GJB1: variants seen among roughly 807,000 people sequenced by gnomAD.
GJB1 encodes the protein gap junction protein beta 1, also known as gap junction beta-1 protein.
Under a neutral mutation model 12.0 loss-of-function variants are expected in GJB1, and 1 was observed. The observed-to-expected ratio is 0.08, with a 90% CI of 0.03 to 0.40. The LOEUF is 0.40. GJB1 is among the 10% of genes least tolerant of loss of function. The probability of loss-of-function intolerance (pLI) is 0.98; values close to 1 mark genes in which losing one functional copy is unlikely to be tolerated. For synonymous variants in GJB1, 114 were observed against 102.8 expected (o/e 1.11, Z -0.66); for missense variants, 140 against 250.3 (o/e 0.56, Z 2.97).
At chrX:71,223,609 G>T in intron 1 of GJB1, 83 bp from the exon 2 acceptor site, 1 of 882,268 alleles carries the variant, frequency 1.1e-6, no homozygotes, top group Middle Eastern at 2.9e-4. Flanking sequence ...GAAGAGTTGA[G>T]GGGGGGTGCG....
upstream of GJB1, among the ~76,000 whole-genome samples, chrX:71,220,530 G>A (rs2092535345): frequency 9.3e-6 from 1 of 107,262 alleles, no homozygotes; most frequent in South Asian, 4.1e-4. Flanking sequence ...TTTCCGAGAC[G>A]GAGTCTCACT....
At chrX:71,221,190 A>C (rs1282849676), upstream of GJB1, among the ~76,000 whole-genome samples, 1 of 111,686 alleles carries the variant, frequency 9.0e-6, no homozygotes, top group Admixed American at 9.5e-5. Flanking sequence ...CCAGCCCCTG[A>C]AGCATTTCTT....
At chrX:71,219,568 G>A (rs1335276069), upstream of GJB1, among the ~76,000 whole-genome samples, 6 of 105,931 alleles carry the variant, frequency 5.7e-5, no homozygotes, top group East Asian at 3.0e-4. Flanking sequence ...TCAGGAGATC[G>A]AGACCATCCT....
At chrX:71,217,523 G>A (rs898256436) in intron 1 of GJB1, 1 of 111,766 alleles carries the variant, frequency 8.9e-6, no homozygotes, top group Non-Finnish European at 1.9e-5. Flanking sequence ...CAAAACACGC[G>A]TGCAGCAACA....
At chrX:71,218,821 G>A (rs2147941044), upstream of GJB1, among the ~76,000 whole-genome samples, 1 of 107,295 alleles carries the variant, frequency 9.3e-6, no homozygotes, top group African/African-American at 3.4e-5. Flanking sequence ...AGGGGGCGGA[G>A]CTTGCAGTGA....
chrX:71,220,786 C>T (rs769336601), upstream of GJB1, among the ~76,000 whole-genome samples: 2 of 109,108 alleles, frequency 1.8e-5, no homozygotes, highest in Non-Finnish European at 3.8e-5. Flanking sequence ...CAGGCGTGAG[C>T]CCCTGCACCC....
chrX:71,219,281 A>T (rs1181282940), upstream of GJB1, among the ~76,000 whole-genome samples: 1 of 108,203 alleles, frequency 9.2e-6, no homozygotes, highest in Non-Finnish European at 1.9e-5. Flanking sequence ...ACAGCCTCTT[A>T]AGTAGCTAGG....
chrX:71,217,135 T>C (rs1322091949), intron 1 of GJB1, among the ~76,000 whole-genome samples: 3 of 109,174 alleles, frequency 2.7e-5, no homozygotes, highest in Non-Finnish European at 5.7e-5. Context: ...TGTGTGTGTG[T>C]GTGTGCGTGT....
upstream of GJB1, among the ~76,000 whole-genome samples, chrX:71,222,081 G>T (rs145801296): frequency 0.014 from 1,591 of 110,589 alleles, 12 homozygotes; most frequent in Middle Eastern, 0.033. Context: ...GGTCAAGGCT[G>T]CAGTGAGCAG....
chrX:71,219,825 A>G (rs865924713), upstream of GJB1, among the ~76,000 whole-genome samples: 1 of 91,650 alleles, frequency 1.1e-5, no homozygotes, highest in African/African-American at 4.0e-5. Flanking sequence ...TTCTTTTATT[A>G]TTATTATTAT....
At chrX:71,217,459 A>C (rs2092527838) in intron 1 of GJB1, among the ~76,000 whole-genome samples, 1 of 111,823 alleles carries the variant, frequency 8.9e-6, no homozygotes, top group African/African-American at 3.3e-5. Context: ...AAATCTGGGG[A>C]CAGGGCCAGA....
At chrX:71,218,504 C>T (rs2092529710), upstream of GJB1, among the ~76,000 whole-genome samples, 2 of 108,582 alleles carry the variant, frequency 1.8e-5, no homozygotes, top group Admixed American at 1.0e-4. Flanking sequence ...ATCACTTGAA[C>T]CCGGGAGGCG....
In GJB1 at chrX:71,223,451, C is replaced by T. The variant is rs111853447; in HGVS notation, c.-17+116C>T. The T allele has an allele frequency of 0.02, 8,926 of 436,540 alleles. 95 individuals carry two copies. The highest frequency in any genetic ancestry group is 0.058 in the Middle Eastern group (92 of 1,580). 36.0% of individuals were successfully genotyped at this position (436,540 alleles called of 1,213,427 possible). ...TGGGCTTGGCAAAGAAAGGGGCTGG[C>T]GGGAAAAGAATGTTGGATGAAAGCG... is the stretch of plus-strand genomic sequence containing the variant. On this transcript the variant is annotated intron_variant, in intron 1 of 1. Coordinates refer to ENST00000361726, the MANE Select transcript of GJB1 (RefSeq NM_000166.6).
chrX:71,223,607 GA>G, intron 1 of GJB1, 84 bp from the exon 2 acceptor site: 1 of 886,147 alleles, frequency 1.1e-6, no homozygotes, highest in East Asian at 3.1e-5. Context: ...TGGAAGAGTT[GA>G]GGGGGGGTGC....
chrX:71,221,288 T>A (rs2092537522), upstream of GJB1, among the ~76,000 whole-genome samples: 1 of 111,514 alleles, frequency 9.0e-6, no homozygotes, highest in African/African-American at 3.3e-5. Context: ...TGCTTCCCCA[T>A]GCTGGTTGGC....
rs763991026 is a variant in GJB1 at position 71,224,498 on chromosome X, G to A, written c.791G>A (p.Arg264His). ...EQDGSLKDIL[R>H]RSPGTGAGLA... ...GATGGCTCCCTGAAAGACATACTGCGCCGCAGCCCTGGCACCGGGGCTGGG... is the reference window on the plus strand; with the variant it reads ...GATGGCTCCCTGAAAGACATACTGCACCGCAGCCCTGGCACCGGGGCTGGG... Residue 264 changes from arginine (R) to histidine (H), a missense_variant, in exon 2 of 2, where the codon CGC becomes CAC. Transcript: ENST00000361726. 3 of 1,198,462 alleles carry A rather than the reference G, an allele frequency of 2.5e-6. No individual in the cohort carries two copies. Among genetic ancestry groups the A allele is most frequent in the Non-Finnish European group, 3.4e-6 (3 of 889,083 alleles).
upstream of GJB1, among the ~76,000 whole-genome samples, chrX:71,221,143 C>T (rs932626202): frequency 9.1e-6 from 1 of 110,177 alleles, no homozygotes; most frequent in Admixed American, 9.7e-5. Flanking sequence ...GCCTTGGCCT[C>T]CCAAAGTGTT....
At chrX:71,217,890 A>G (rs1228759922) in intron 1 of GJB1, 1 of 112,088 alleles carries the variant, frequency 8.9e-6, no homozygotes, top group Non-Finnish European at 1.9e-5. Flanking sequence ...AAGCAGCCCA[A>G]GAAAGGTAAG....
At chrX:71,222,716 T>C (rs1001384749), upstream of GJB1, 1 of 110,498 alleles carries the variant, frequency 9.0e-6, no homozygotes, top group African/African-American at 3.3e-5. Flanking sequence ...TTCAGCTTCT[T>C]CATCTGGAAA....
Sources: allele counts gnomAD v4.1 joint callset (sites outside exome capture counted in the v4.1 genomes callset), GRCh38; gene constraint gnomAD v4.1.1; transcripts MANE v1.5; gene names NCBI Gene and HGNC (gene_info 2026-07-23, HGNC 2026-07-21).